AGBL4: variants seen among roughly 807,000 people sequenced by gnomAD.
The protein encoded by AGBL4 is cytosolic carboxypeptidase 6.
Under a neutral mutation model 66.4 loss-of-function variants are expected in AGBL4, and 58 were observed. The observed-to-expected ratio is 0.87, with a 90% CI of 0.71 to 1.09. The LOEUF is 1.09. Among genes scored for constraint, AGBL4 ranks in the 50% least tolerant of loss-of-function variants. The pLI is 0.00. For synonymous variants in AGBL4, 234 were observed against 222.9 expected (o/e 1.05, Z -0.44); for missense variants, 579 against 631.0 (o/e 0.92, Z 0.88).
intron 3 of AGBL4, among the ~76,000 whole-genome samples, chr1:49,507,836 A>C (rs1310798405): frequency 1.6e-4 from 24 of 151,646 alleles, no homozygotes; most frequent in Non-Finnish European, 2.9e-5. Flanking sequence ...AAGAGCTGGG[A>C]AATATGATTT....
chr1:49,754,259 G>A (rs1228444371), intron 2 of AGBL4, among the ~76,000 whole-genome samples: 1 of 147,544 alleles, frequency 6.8e-6, no homozygotes, highest in Non-Finnish European at 1.5e-5. Flanking sequence ...GTTTTTGCAT[G>A]GGTGTTCTTT....
At chr1:48,833,728 A>C (rs1646611596) in intron 6 of AGBL4, among the ~76,000 whole-genome samples, 1 of 152,196 alleles carries the variant, frequency 6.6e-6, no homozygotes. Flanking sequence ...GCTAGAAGTA[A>C]AGGAGACTCA....
At chr1:48,962,811 T>C (rs1344905636) in intron 5 of AGBL4, among the ~76,000 whole-genome samples, 1 of 152,056 alleles carries the variant, frequency 6.6e-6, no homozygotes, top group East Asian at 1.9e-4. Context: ...ATTGAGAATA[T>C]GATTACTGAT....
At chr1:48,944,670 G>A (rs2148919624) in intron 5 of AGBL4, among the ~76,000 whole-genome samples, 1 of 152,184 alleles carries the variant, frequency 6.6e-6, no homozygotes, top group South Asian at 2.1e-4. Flanking sequence ...TGTGTTTTCT[G>A]CAAACTGCCC....
intron 5 of AGBL4, among the ~76,000 whole-genome samples, chr1:49,016,184 C>T (rs755696145): frequency 4.5e-4 from 68 of 152,158 alleles, no homozygotes; most frequent in Non-Finnish European, 7.3e-4. Flanking sequence ...ACCTCCTCTG[C>T]TCACAGCTCT....
rs374943320 is a variant in AGBL4, at chr1:49,993,656, G to A, written c.34+30107C>T. On this transcript the variant is annotated intron_variant, in intron 1 of 13. Transcript: ENST00000371839. ...GCTTGCTAATATCATGAGAAGTAAC[G>A]TGTGCCATTTCCAAGCAGAAGCTTT... 3.3e-5 allele frequency among the ~76,000 whole-genome samples: 5 copies of A among 152,080 alleles called. No homozygotes were observed. In the East Asian group the frequency reaches 5.8e-4, roughly 18 times the overall value.
chr1:48,623,492 C>T (rs1270376837), intron 9 of AGBL4, among the ~76,000 whole-genome samples: 1 of 152,230 alleles, frequency 6.6e-6, no homozygotes, highest in Non-Finnish European at 1.5e-5. Flanking sequence ...TGGTCCTTTT[C>T]TTATCAGAAT....
At chr1:49,652,306 C>T (rs147461062) in intron 3 of AGBL4, among the ~76,000 whole-genome samples, 118 of 152,292 alleles carry the variant, frequency 7.7e-4, no homozygotes, top group African/African-American at 2.6e-3. Flanking sequence ...AATTTCCATG[C>T]TCTTGCTGTA....
intron 6 of AGBL4, among the ~76,000 whole-genome samples, chr1:48,759,877 C>A (rs994158740): frequency 3.3e-5 from 5 of 152,224 alleles, no homozygotes; most frequent in African/African-American, 1.2e-4. Context: ...TGTTTCTCCT[C>A]TGCCTACTCA....
At chr1:49,488,546 AC>A (rs1488421244) in intron 3 of AGBL4, among the ~76,000 whole-genome samples, 3 of 151,796 alleles carry the variant, frequency 2.0e-5, no homozygotes, top group Non-Finnish European at 4.4e-5. Context: ...TGTTTTAGAA[AC>A]AATCCAATGA....
chr1:49,448,013 T>C (rs1301149007), intron 3 of AGBL4, among the ~76,000 whole-genome samples: 1 of 152,122 alleles, frequency 6.6e-6, no homozygotes, highest in African/African-American at 2.4e-5. Flanking sequence ...GGAGCATAGA[T>C]GCTATGGAGT....
At chr1:49,715,875 C>A (rs1020031737) in intron 2 of AGBL4, among the ~76,000 whole-genome samples, 8 of 152,104 alleles carry the variant, frequency 5.3e-5, no homozygotes, top group African/African-American at 1.9e-4. Flanking sequence ...GGATAGATTG[C>A]AAACATTTTC....
chr1:49,207,468 C>CTTTT (rs879532423), intron 4 of AGBL4, among the ~76,000 whole-genome samples: 6,516 of 13,686 alleles, frequency 0.48, 617 homozygotes, highest in African/African-American at 0.53. Context: ...TTCTTTCTTT[C>CTTTT]TCTTTCTTTC....
chr1:48,706,120 A>G (rs1477032328), intron 6 of AGBL4, among the ~76,000 whole-genome samples: 2 of 152,222 alleles, frequency 1.3e-5, no homozygotes, highest in Non-Finnish European at 2.9e-5. Flanking sequence ...GCATTGAGAA[A>G]TATGTTGGTA....
At chr1:48,593,816 G>T (rs534708909) in intron 9 of AGBL4, among the ~76,000 whole-genome samples, 2 of 152,204 alleles carry the variant, frequency 1.3e-5, no homozygotes, top group African/African-American at 4.8e-5. Flanking sequence ...CAGATCCTAT[G>T]TGCATTTGCA....
chr1:48,946,117 TC>T (rs1656485531), intron 5 of AGBL4, among the ~76,000 whole-genome samples: 1 of 152,182 alleles, frequency 6.6e-6, no homozygotes, highest in Admixed American at 6.5e-5. Flanking sequence ...GAACTACTTC[TC>T]CCGTTACTCC....
At chr1:48,834,390 G>A (rs920565231) in intron 6 of AGBL4, among the ~76,000 whole-genome samples, 2 of 152,036 alleles carry the variant, frequency 1.3e-5, no homozygotes, top group Non-Finnish European at 2.9e-5. Context: ...GGGGGCCAGG[G>A]GCGGAATATT....
At chr1:48,524,275 A>G in the AGBL4 span, among the ~76,000 whole-genome samples, 1 of 152,216 alleles carries the variant, frequency 6.6e-6, no homozygotes, top group East Asian at 1.9e-4. Context: ...AACACCACAC[A>G]AGCAATGTTT....
intron 6 of AGBL4, among the ~76,000 whole-genome samples, chr1:48,855,751 CT>C (rs534539533): frequency 0.033 from 4,867 of 149,126 alleles, 269 homozygotes; most frequent in African/African-American, 0.11. Flanking sequence ...AACAATAGAA[CT>C]TTTTTTTTTG....
Sources: allele counts gnomAD v4.1 joint callset (sites outside exome capture counted in the v4.1 genomes callset), GRCh38; gene constraint gnomAD v4.1.1; transcripts MANE v1.5; gene names NCBI Gene and HGNC (gene_info 2026-07-23, HGNC 2026-07-21).